EGFL6: variants seen among roughly 807,000 people sequenced by gnomAD.
The protein encoded by EGFL6 is EGF like domain multiple 6.
In EGFL6, 42 loss-of-function variants were observed where a neutral mutation model predicts 43.1. The observed-to-expected ratio is 0.98, with a 90% CI of 0.76 to 1.26. EGFL6 has a LOEUF of 1.26. EGFL6 is among the 50% of genes most tolerant of loss of function. The pLI, the probability that EGFL6 is intolerant of heterozygous loss-of-function variation, is 0.00. For missense variants in EGFL6, 429 were observed against 427.8 expected (o/e 1.00, Z -0.02); for synonymous variants, 164 against 163.2 (o/e 1.01, Z -0.04).
chrX:13,623,230 T>TCAC (rs1452451846), intron 9 of EGFL6, among the ~76,000 whole-genome samples: 1 of 108,730 alleles, frequency 9.2e-6, no homozygotes, highest in East Asian at 2.9e-4. Flanking sequence ...GGCAAGGTCT[T>TCAC]CACTGGTTTA....
chrX:13,630,571 G>A (rs1487375107), intron 11 of EGFL6, among the ~76,000 whole-genome samples: 1 of 111,697 alleles, frequency 9.0e-6, no homozygotes, highest in Non-Finnish European at 1.9e-5. Flanking sequence ...GAGACTAGAG[G>A]AAAAAGAAAC....
At chrX:13,595,523 A>G (rs1481805144) in intron 3 of EGFL6, among the ~76,000 whole-genome samples, 1 of 111,717 alleles carries the variant, frequency 9.0e-6, no homozygotes, top group Non-Finnish European at 1.9e-5. Flanking sequence ...GAATACTTTT[A>G]TCCTTTGTGC....
At position 13,606,378 on chromosome X, in the gene EGFL6, G is replaced by C; in HGVS notation, c.521-1G>C. ...GACACCTTCTGGTTTTTACACCCTA[G>C]ATATTGATGAATGTGCCTCTGGTAA... is the stretch of plus-strand genomic sequence containing the variant. On this transcript the variant is annotated splice_acceptor_variant, in intron 5 of 11. Coordinates refer to ENST00000361306, the MANE Select transcript of EGFL6 (RefSeq NM_015507.4). LOFTEE classifies it high-confidence loss of function. 1 of 1,210,445 alleles carries C rather than the reference G, an allele frequency of 8.3e-7. No homozygotes were observed. Among genetic ancestry groups the C allele is most frequent in the Non-Finnish European group, 1.1e-6 (1 of 894,797 alleles).
intron 7 of EGFL6, among the ~76,000 whole-genome samples, chrX:13,612,384 C>T (rs1420762734): frequency 9.2e-6 from 1 of 108,853 alleles, no homozygotes; most frequent in Non-Finnish European, 1.9e-5. Flanking sequence ...AGATTAACAG[C>T]ATCCCAAGGC....
At chrX:13,616,741 A>G (rs1321302025) in intron 7 of EGFL6, among the ~76,000 whole-genome samples, 2 of 112,894 alleles carry the variant, frequency 1.8e-5, no homozygotes, top group Non-Finnish European at 3.8e-5. Flanking sequence ...CTCATCGACA[A>G]GACAAGAGTC....
chrX:13,580,327 A>G (rs2045498645), intron 1 of EGFL6, among the ~76,000 whole-genome samples: 1 of 111,595 alleles, frequency 9.0e-6, no homozygotes. Flanking sequence ...CAAAATGTGA[A>G]TCTCAAGCCC....
In EGFL6 at chrX:13,594,929, G is replaced by C. The variant is rs1476495020; in HGVS notation, c.280+1G>C. 1.0e-5 allele frequency: 12 copies of C among 1,195,386 alleles called. No homozygotes were observed. The South Asian group carries it at 2.0e-4, about 20-fold the overall frequency. ...TACACCGGGAAAACCTGCAGTCAAG[G>C]TCAGTAAGGTAGCCCAGGGTCATAG... On this transcript the variant is annotated splice_donor_variant, in intron 3 of 11. Coordinates refer to ENST00000361306, the MANE Select transcript of EGFL6 (RefSeq NM_015507.4). LOFTEE classifies it high-confidence loss of function.
intron 4 of EGFL6, among the ~76,000 whole-genome samples, chrX:13,600,411 C>T (rs1298516216): frequency 9.5e-6 from 1 of 105,755 alleles, no homozygotes; most frequent in East Asian, 3.0e-4. Flanking sequence ...CTCAGCCTCC[C>T]GACTAGCTGG....
intron 3 of EGFL6, among the ~76,000 whole-genome samples, chrX:13,598,609 A>C (rs1450405039): frequency 9.2e-6 from 1 of 109,059 alleles, no homozygotes; most frequent in Non-Finnish European, 1.9e-5. Flanking sequence ...ACAAAAAAGC[A>C]CAGAGAAGAA....
chrX:13,606,882 A>G (rs767578437), intron 6 of EGFL6, among the ~76,000 whole-genome samples: 46 of 112,377 alleles, frequency 4.1e-4, no homozygotes, highest in African/African-American at 1.5e-3. Flanking sequence ...ATTTGGTAAA[A>G]GGAAGAATAA....
intron 1 of EGFL6, among the ~76,000 whole-genome samples, chrX:13,583,179 G>A (rs1262070326): frequency 9.5e-6 from 1 of 105,634 alleles, no homozygotes; most frequent in Non-Finnish European, 2.0e-5. Context: ...CACACACCAC[G>A]ATCTACACTC....
intron 1 of EGFL6, among the ~76,000 whole-genome samples, chrX:13,573,559 A>T (rs2045454507): frequency 8.9e-6 from 1 of 112,383 alleles, no homozygotes; most frequent in Non-Finnish European, 1.9e-5. Flanking sequence ...TACAATGAAA[A>T]TAAGTGTATT....
At chrX:13,610,223 A>C (rs778561337) in intron 7 of EGFL6, among the ~76,000 whole-genome samples, 1 of 112,514 alleles carries the variant, frequency 8.9e-6, no homozygotes, top group East Asian at 2.8e-4. Context: ...ATGGAAAAGC[A>C]TAAATTGTGC....
chrX:13,594,232 A>C (rs1305734800), intron 2 of EGFL6, among the ~76,000 whole-genome samples: 1 of 111,508 alleles, frequency 9.0e-6, no homozygotes, highest in Non-Finnish European at 1.9e-5. Flanking sequence ...TGTTTTTCCT[A>C]CCACTTTATT....
intron 10 of EGFL6, among the ~76,000 whole-genome samples, chrX:13,626,017 T>A (rs978037009): frequency 9.1e-6 from 1 of 110,486 alleles, no homozygotes; most frequent in Non-Finnish European, 1.9e-5. Context: ...CCTTCCACAG[T>A]AGGTGACAGA....
At chrX:13,595,276 C>A (rs150514370) in intron 3 of EGFL6, among the ~76,000 whole-genome samples, 1,670 of 110,869 alleles carry the variant, frequency 0.015, 36 homozygotes, top group African/African-American at 0.052. Context: ...TTTAAACTAC[C>A]TATGTATTAT....
chrX:13,589,260 G>C (rs2045549767), intron 1 of EGFL6, among the ~76,000 whole-genome samples: 1 of 111,994 alleles, frequency 8.9e-6, no homozygotes, highest in South Asian at 3.8e-4. Context: ...TGCGTATACA[G>C]AGCAGATCTG....
rs149040806 is a variant in EGFL6 at position 13,614,456 on chromosome X, A to T, written c.779-3274A>T. On this transcript the variant is annotated intron_variant, in intron 7 of 11. Coordinates refer to ENST00000361306, the MANE Select transcript of EGFL6 (RefSeq NM_015507.4). ...CTTTTCTCCTCCCAGATGATAGATC[A>T]TCTAATGCACTAAGCACAGTTGAAT... Among the ~76,000 whole-genome samples, 11 of 112,519 alleles carry T rather than the reference A, an allele frequency of 9.8e-5. No individual in the cohort carries two copies. The East Asian group carries it at 3.1e-3, about 31-fold the overall frequency.
At chrX:13,596,290 G>C (rs926432590) in intron 3 of EGFL6, 4 of 111,769 alleles carry the variant, frequency 3.6e-5, no homozygotes, top group Non-Finnish European at 7.5e-5. Flanking sequence ...CACCTGGGTT[G>C]ATTTGGCTGA....
Sources: allele counts gnomAD v4.1 joint callset (sites outside exome capture counted in the v4.1 genomes callset), GRCh38; gene constraint gnomAD v4.1.1; transcripts MANE v1.5; gene names NCBI Gene and HGNC (gene_info 2026-07-23, HGNC 2026-07-21).